SCHIP1: variants seen among roughly 807,000 people sequenced by gnomAD.
SCHIP1 encodes the protein schwannomin-interacting protein 1.
Under a neutral mutation model 29.7 loss-of-function variants are expected in SCHIP1, and 8 were observed. The observed-to-expected ratio is 0.27, with a 90% confidence interval of 0.16 to 0.49. The LOEUF is 0.49. Ranked by LOEUF, SCHIP1 falls within the 20% of genes least tolerant of loss-of-function variation. The pLI, the probability that SCHIP1 is intolerant of heterozygous loss-of-function variation, is 0.99. For missense variants in SCHIP1, 193 were observed against 294.6 expected (o/e 0.66, Z 2.52); for synonymous variants, 76 against 94.9 (o/e 0.80, Z 1.16).
the SCHIP1 span, among the ~76,000 whole-genome samples, chr3:159,547,490 A>C: frequency 6.6e-6 from 1 of 152,190 alleles, no homozygotes; most frequent in South Asian, 2.1e-4. Context: ...GCCTTTGCCC[A>C]TGCCTATGTC....
At chr3:159,466,072 T>G in the SCHIP1 span, among the ~76,000 whole-genome samples, 116 of 152,288 alleles carry the variant, frequency 7.6e-4, no homozygotes, top group African/African-American at 2.4e-3. Flanking sequence ...AAAGGAGAAC[T>G]ATATCATAGT....
At chr3:159,633,125 A>C in the SCHIP1 span, among the ~76,000 whole-genome samples, 1 of 152,310 alleles carries the variant, frequency 6.6e-6, no homozygotes, top group East Asian at 1.9e-4. Context: ...TAAACTCTGC[A>C]GTCTCATAAT....
chr3:159,676,599 G>A, the SCHIP1 span, among the ~76,000 whole-genome samples: 13 of 152,120 alleles, frequency 8.5e-5, no homozygotes, highest in African/African-American at 1.2e-4. Context: ...TGGAGTTTCC[G>A]GGGTAAACAG....
chr3:159,394,990 A>G, the SCHIP1 span, among the ~76,000 whole-genome samples: 3 of 152,232 alleles, frequency 2.0e-5, no homozygotes, highest in African/African-American at 4.8e-5. Flanking sequence ...TCACAAATTC[A>G]GATCCTGTTA....
the SCHIP1 span, among the ~76,000 whole-genome samples, chr3:159,303,629 G>A: frequency 8.5e-4 from 130 of 152,168 alleles, no homozygotes; most frequent in African/African-American, 2.9e-3. Context: ...TGGATTGAGA[G>A]CTAGGGGAAA....
At chr3:159,313,908 T>G in the SCHIP1 span, among the ~76,000 whole-genome samples, 1 of 152,196 alleles carries the variant, frequency 6.6e-6, no homozygotes, top group Non-Finnish European at 1.5e-5. Context: ...CCTGATGTTT[T>G]CTCAGGGTTA....
chr3:159,857,272 T>G (rs1713496968), intron 1 of SCHIP1, among the ~76,000 whole-genome samples: 1 of 152,146 alleles, frequency 6.6e-6, no homozygotes, highest in African/African-American at 2.4e-5. Context: ...GTTAGATGTA[T>G]TCTTGTTCTC....
the SCHIP1 span, among the ~76,000 whole-genome samples, chr3:159,334,305 C>CT: frequency 6.6e-6 from 1 of 152,244 alleles, no homozygotes; most frequent in Non-Finnish European, 1.5e-5. Context: ...TGAAGATAAT[C>CT]TATAGAGATT....
chr3:159,483,662 T>C, the SCHIP1 span, among the ~76,000 whole-genome samples: 1 of 152,228 alleles, frequency 6.6e-6, no homozygotes, highest in East Asian at 1.9e-4. Context: ...CAGAATTAAG[T>C]GGAAATGAAA....
At chr3:159,330,605 T>G in the SCHIP1 span, among the ~76,000 whole-genome samples, 1 of 152,186 alleles carries the variant, frequency 6.6e-6, no homozygotes, top group South Asian at 2.1e-4. Context: ...ATATGATTAT[T>G]TTTCAGTGCA....
the SCHIP1 span, among the ~76,000 whole-genome samples, chr3:159,399,893 G>T: frequency 6.6e-6 from 1 of 152,142 alleles, no homozygotes; most frequent in Non-Finnish European, 1.5e-5. Context: ...GCCCAGGCTG[G>T]TATTGATCTC....
chr3:159,849,410 A>C (rs1712273865), intron 1 of SCHIP1, among the ~76,000 whole-genome samples: 1 of 152,204 alleles, frequency 6.6e-6, no homozygotes. Flanking sequence ...CTAAATTATT[A>C]TAATTTCATC....
the SCHIP1 span, among the ~76,000 whole-genome samples, chr3:159,382,230 G>T: frequency 0.029 from 2 of 70 alleles, no homozygotes; most frequent in Non-Finnish European, 0.071. Context: ...TTAGCATTAG[G>T]TATTCTCCTA....
At chr3:159,888,249 TC>T in intron 4 of SCHIP1, 1 of 311,498 alleles carries the variant, frequency 3.2e-6, no homozygotes, top group East Asian at 7.6e-5. Flanking sequence ...TAATTGTCAT[TC>T]TCATATTTCA....
the SCHIP1 span, among the ~76,000 whole-genome samples, chr3:159,646,087 C>G: frequency 6.6e-6 from 1 of 152,096 alleles, no homozygotes; most frequent in Non-Finnish European, 1.5e-5. Context: ...GGAAGAGGAG[C>G]AAGCCAAACT....
chr3:159,311,721 C>T, the SCHIP1 span, among the ~76,000 whole-genome samples: 84 of 152,138 alleles, frequency 5.5e-4, no homozygotes, highest in Middle Eastern at 3.4e-3. Flanking sequence ...CTGGAAAGTA[C>T]CATATTTTGA....
At chr3:159,523,574 CGTGTGT>C in the SCHIP1 span, among the ~76,000 whole-genome samples, 1 of 151,590 alleles carries the variant, frequency 6.6e-6, no homozygotes, top group Non-Finnish European at 1.5e-5. Flanking sequence ...TAAGTGTGTG[CGTGTGT>C]GTGTGTGATA....
At chr3:159,669,766 G>A in the SCHIP1 span, among the ~76,000 whole-genome samples, 3 of 152,238 alleles carry the variant, frequency 2.0e-5, no homozygotes, top group African/African-American at 7.2e-5. Context: ...CCTAGGTTAT[G>A]CTTTGGTTGG....
At chr3:159,592,979 C>A in the SCHIP1 span, among the ~76,000 whole-genome samples, 1 of 152,098 alleles carries the variant, frequency 6.6e-6, no homozygotes, top group Non-Finnish European at 1.5e-5. Context: ...GAAAGCTCTG[C>A]CCTGGAGTAG....
Sources: gnomAD v4.1 joint callset for allele counts (sites outside exome capture counted in the v4.1 genomes callset) on GRCh38, gnomAD v4.1.1 for gene constraint, MANE v1.5 for transcripts, NCBI Gene and HGNC (gene_info 2026-07-23, HGNC 2026-07-21) for gene names.